CPNE8: variants seen among roughly 807,000 people sequenced by gnomAD.
CPNE8 encodes copine-8.
A neutral mutation model predicts 81.5 loss-of-function variants in CPNE8; 45 were observed. The observed-to-expected ratio is 0.55, with a 90% CI of 0.44 to 0.71. The LOEUF (loss-of-function observed/expected upper bound fraction) is 0.71. CPNE8 is among the 30% of genes least tolerant of loss of function. The probability of loss-of-function intolerance (pLI) is 0.00; values close to 1 mark genes in which losing one functional copy is unlikely to be tolerated. For missense variants in CPNE8, 594 were observed against 672.1 expected (o/e 0.88, Z 1.28); for synonymous variants, 252 against 226.3 (o/e 1.11, Z -1.02).
rs182993908 is a variant in CPNE8 at position 38,754,216 on chromosome 12, G to A, written c.722+6631C>T. ...TGAAGCCAAGCAAATATGTGGGATA[G>A]AAGAGCACAGGACAAACACCAAAAC... On this transcript the variant is annotated intron_variant, in intron 10 of 19. Transcript: ENST00000331366. Among the ~76,000 whole-genome samples, 6 of 152,278 alleles carry A rather than the reference G, an allele frequency of 3.9e-5. No individual in the cohort carries two copies. In the East Asian group the frequency reaches 1.2e-3, roughly 29 times the overall value.
intron 3 of CPNE8, among the ~76,000 whole-genome samples, chr12:38,852,679 C>T (rs1943664997): frequency 1.3e-5 from 2 of 151,998 alleles, no homozygotes; most frequent in African/African-American, 4.8e-5. Context: ...AGGACACAGA[C>T]ATGTGTTTGA....
At chr12:38,827,755 C>T (rs1451703184) in intron 6 of CPNE8, among the ~76,000 whole-genome samples, 2 of 151,974 alleles carry the variant, frequency 1.3e-5, no homozygotes, top group Admixed American at 6.6e-5. Flanking sequence ...CACTTATAAG[C>T]GGGAGATAAA....
At chr12:38,717,459 A>ATATATATATATATATATATG (rs1565581515) in intron 13 of CPNE8, among the ~76,000 whole-genome samples, 2 of 140,100 alleles carry the variant, frequency 1.4e-5, no homozygotes, top group Non-Finnish European at 3.1e-5. Flanking sequence ...ATATATATAT[A>ATATATATATATATATATATG]CACCATGGAA....
At chr12:38,784,669 C>T (rs1942135529) in intron 6 of CPNE8, among the ~76,000 whole-genome samples, 2 of 152,082 alleles carry the variant, frequency 1.3e-5, no homozygotes, top group Admixed American at 1.3e-4. Flanking sequence ...CCAATATGTC[C>T]GGCAGCAGAC....
chr12:38,905,604 C>G (rs1392414179), upstream of CPNE8: 3 of 1,529,378 alleles, frequency 2.0e-6, no homozygotes, highest in Non-Finnish European at 2.6e-6. Context: ...GGGCTAGCTC[C>G]CGTCAGGCGG....
At chr12:38,770,432 A>G (rs374356788) in intron 7 of CPNE8, among the ~76,000 whole-genome samples, 12 of 152,212 alleles carry the variant, frequency 7.9e-5, no homozygotes, top group African/African-American at 2.7e-4. Context: ...TCACCCAGAC[A>G]TGTTCATTGA....
intron 1 of CPNE8, among the ~76,000 whole-genome samples, chr12:38,878,282 C>T (rs1483245902): frequency 1.3e-5 from 2 of 152,156 alleles, no homozygotes; most frequent in Admixed American, 6.5e-5. Context: ...GGGCAACATC[C>T]AAGAACCCTT....
intron 18 of CPNE8, among the ~76,000 whole-genome samples, chr12:38,675,137 A>G (rs1339200102): frequency 2.6e-5 from 4 of 152,250 alleles, no homozygotes; most frequent in South Asian, 2.1e-4. Context: ...CCAATTTAGC[A>G]TAATTATATA....
intron 7 of CPNE8, among the ~76,000 whole-genome samples, chr12:38,771,298 C>CA (rs56772312): frequency 0.087 from 11,442 of 131,398 alleles, 695 homozygotes; most frequent in East Asian, 0.24. Context: ...ACATCTCTAT[C>CA]AAAAAAAAAA....
At position 38,661,504 on chromosome 12, in the gene CPNE8, G is replaced by A. The variant is rs1938951793; in HGVS notation, c.1507-7434C>T. On this transcript the variant is annotated intron_variant, in intron 19 of 19. Coordinates refer to ENST00000331366, the MANE Select transcript of CPNE8 (RefSeq NM_153634.3). ...GAGAGCATTAGGAGAAATACCTAAT[G>A]TAAATGATGAGTTGATGGGTGCAGC... Among the ~76,000 whole-genome samples, 10 of 152,200 alleles carry A rather than the reference G, an allele frequency of 6.6e-5. No individual in the cohort carries two copies. The South Asian group carries it at 1.9e-3, about 28-fold the overall frequency.
At chr12:38,722,183 A>G (rs1266039005) in intron 13 of CPNE8, among the ~76,000 whole-genome samples, 2 of 152,172 alleles carry the variant, frequency 1.3e-5, no homozygotes, top group Admixed American at 6.5e-5. Flanking sequence ...ACAGGAATAA[A>G]ATATATTTTT....
chr12:38,773,556 G>A (rs765267115), intron 7 of CPNE8, among the ~76,000 whole-genome samples: 1 of 151,986 alleles, frequency 6.6e-6, no homozygotes, highest in Non-Finnish European at 1.5e-5. Flanking sequence ...AACCTCACTC[G>A]GCTAAATAGT....
intron 13 of CPNE8, among the ~76,000 whole-genome samples, chr12:38,723,421 A>C (rs1404235601): frequency 6.6e-6 from 1 of 152,142 alleles, no homozygotes; most frequent in Non-Finnish European, 1.5e-5. Context: ...TAGTATATAC[A>C]TTTAAATCAG....
intron 19 of CPNE8, among the ~76,000 whole-genome samples, chr12:38,657,523 TG>T (rs201344412): frequency 0.022 from 3,338 of 152,242 alleles, 53 homozygotes; most frequent in Non-Finnish European, 0.034. Flanking sequence ...GAGAGAGCAG[TG>T]GTTCTCCCAG....
At position 38,682,346 on chromosome 12, in the gene CPNE8, T is replaced by C. The variant is rs193180122; in HGVS notation, c.1271+3144A>G. Among the ~76,000 whole-genome samples, 510 of 152,114 alleles carry C rather than the reference T, an allele frequency of 3.4e-3. 1 individual carries two copies. Among genetic ancestry groups the C allele is most frequent in the Middle Eastern group, 0.01 (3 of 294 alleles). Reference sequence around the variant, plus strand: ...GCCAAGGCGGGCGGATCGCCTGAGGTCAAGAGTTTGTGACCAGACTGGCCA... The same window carrying C: ...GCCAAGGCGGGCGGATCGCCTGAGGCCAAGAGTTTGTGACCAGACTGGCCA... On this transcript the variant is annotated intron_variant, in intron 16 of 19. Transcript: ENST00000331366.
chr12:38,670,063 C>T (rs1939139011), intron 19 of CPNE8, among the ~76,000 whole-genome samples: 1 of 152,176 alleles, frequency 6.6e-6, no homozygotes, highest in African/African-American at 2.4e-5. Context: ...ACTGTCGAGC[C>T]ACCCTTTGTG....
At chr12:38,900,818 T>C (rs1290140432) in intron 1 of CPNE8, among the ~76,000 whole-genome samples, 1 of 152,158 alleles carries the variant, frequency 6.6e-6, no homozygotes, top group Non-Finnish European at 1.5e-5. Flanking sequence ...TGATGGGAGA[T>C]GAGGCAATAG....
At chr12:38,724,305 A>G (rs1326879818) in intron 12 of CPNE8, among the ~76,000 whole-genome samples, 1 of 152,156 alleles carries the variant, frequency 6.6e-6, no homozygotes, top group Non-Finnish European at 1.5e-5. Context: ...GCTACTCCCC[A>G]AAAAAGTTTA....
intron 6 of CPNE8, among the ~76,000 whole-genome samples, chr12:38,776,659 C>T (rs1181754171): frequency 6.6e-6 from 1 of 151,916 alleles, no homozygotes; most frequent in Non-Finnish European, 1.5e-5. Flanking sequence ...CGATCCTCTC[C>T]TCAAGAATCT....
Sources: allele counts gnomAD v4.1 joint callset (sites outside exome capture counted in the v4.1 genomes callset), GRCh38; gene constraint gnomAD v4.1.1; transcripts MANE v1.5; gene names NCBI Gene and HGNC (gene_info 2026-07-23, HGNC 2026-07-21).